ROBO1: variants seen among roughly 807,000 people sequenced by gnomAD.
The protein encoded by ROBO1 is roundabout homolog 1.
A neutral mutation model predicts 195.9 loss-of-function variants in ROBO1; 149 were observed. That is an observed-to-expected ratio of 0.76 (90% CI 0.67 to 0.87). The LOEUF (loss-of-function observed/expected upper bound fraction) is 0.87, where lower values mean the gene tolerates loss of function less well. ROBO1 is among the 40% of genes least tolerant of loss of function. The pLI, the probability that ROBO1 is intolerant of heterozygous loss-of-function variation, is 0.00. For missense variants in ROBO1, 1,933 were observed against 2,068.3 expected (o/e 0.93, Z 1.27); for synonymous variants, 816 against 733.2 (o/e 1.11, Z -1.82).
At chr3:79,241,948 C>CT (rs11383398) in intron 2 of ROBO1, among the ~76,000 whole-genome samples, 135,331 of 145,770 alleles carry the variant, frequency 0.93, 62,902 homozygotes, top group East Asian at 1. Flanking sequence ...TTAATTTAAG[C>CT]TTTTTTTTTT....
intron 1 of ROBO1, among the ~76,000 whole-genome samples, chr3:79,655,750 G>C (rs566916126): frequency 6.6e-6 from 1 of 152,044 alleles, no homozygotes; most frequent in East Asian, 1.9e-4. Context: ...AAGCAAGGGA[G>C]TATGTCTCAA....
At chr3:79,621,088 C>G (rs910622901) in intron 1 of ROBO1, among the ~76,000 whole-genome samples, 1 of 152,074 alleles carries the variant, frequency 6.6e-6, no homozygotes, top group East Asian at 1.9e-4. Flanking sequence ...TCCTGTACAC[C>G]CTTCATCCCA....
chr3:79,486,356 G>A (rs1314253151), intron 2 of ROBO1, among the ~76,000 whole-genome samples: 7 of 151,708 alleles, frequency 4.6e-5, no homozygotes, highest in Admixed American at 6.6e-5. Context: ...TATATATACC[G>A]ATTTCTTTGC....
intron 2 of ROBO1, among the ~76,000 whole-genome samples, chr3:79,386,753 T>C (rs528635159): frequency 7.9e-5 from 12 of 152,292 alleles, no homozygotes; most frequent in African/African-American, 2.9e-4. Flanking sequence ...ATGAGAATTA[T>C]GTCACAGAGC....
chr3:78,613,005 G>A (rs529812963), intron 28 of ROBO1, among the ~76,000 whole-genome samples: 3 of 152,126 alleles, frequency 2.0e-5, no homozygotes, highest in African/African-American at 7.2e-5. Flanking sequence ...GGATTAGTTA[G>A]AATTATATTT....
chr3:79,589,085 G>C (rs921321662), intron 2 of ROBO1, among the ~76,000 whole-genome samples: 3 of 151,524 alleles, frequency 2.0e-5, no homozygotes, highest in African/African-American at 7.3e-5. Context: ...GAATAACTTG[G>C]CTAAATTTTG....
At chr3:78,836,007 A>G (rs2032677711) in intron 4 of ROBO1, among the ~76,000 whole-genome samples, 2 of 152,218 alleles carry the variant, frequency 1.3e-5, no homozygotes, top group Admixed American at 1.3e-4. Flanking sequence ...GTGGGATTTT[A>G]GTAAAATCAA....
chr3:79,743,892 C>G (rs566256292), intron 1 of ROBO1, among the ~76,000 whole-genome samples: 2 of 152,294 alleles, frequency 1.3e-5, no homozygotes, highest in East Asian at 3.9e-4. Flanking sequence ...GCCGTCGTCT[C>G]TACGGTAACA....
chr3:78,725,500 A>C (rs907077512), intron 5 of ROBO1, among the ~76,000 whole-genome samples: 5 of 152,124 alleles, frequency 3.3e-5, no homozygotes, highest in African/African-American at 1.2e-4. Context: ...AGGGGTAAAG[A>C]CTTCTCTGAG....
At chr3:79,589,711 A>G in intron 2 of ROBO1, 113 bp downstream of exon 2, 1 of 825,040 alleles carries the variant, frequency 1.2e-6, no homozygotes, top group South Asian at 1.6e-5. Context: ...ACAGACTTAC[A>G]AGTTCCAAAG....
chr3:79,391,520 A>G (rs2036949625), intron 2 of ROBO1, among the ~76,000 whole-genome samples: 1 of 151,946 alleles, frequency 6.6e-6, no homozygotes, highest in Non-Finnish European at 1.5e-5. Context: ...CCAATCAGCA[A>G]CTCCCACAAA....
chr3:79,258,090 A>G (rs1408832846), intron 2 of ROBO1, among the ~76,000 whole-genome samples: 3 of 152,140 alleles, frequency 2.0e-5, no homozygotes, highest in East Asian at 1.9e-4. Context: ...TTTAGCTACA[A>G]TGACTTCAAC....
In ROBO1 at chr3:79,515,223, T is replaced by C. The variant is rs535790197; in HGVS notation, c.88+74601A>G. Among the ~76,000 whole-genome samples the C allele has an allele frequency of 5.3e-5, 8 of 152,332 alleles. No homozygotes were observed. The East Asian group carries it at 1.4e-3, about 26-fold the overall frequency. On this transcript the variant is annotated intron_variant, in intron 2 of 30. Coordinates refer to ENST00000464233, the MANE Select transcript of ROBO1 (RefSeq NM_002941.4). ...CATTATGAAAGCCAGCAGAGCTTCCTGCACTGTTGAACAATGCTCACTGTC... is the reference window on the plus strand; with the variant it reads ...CATTATGAAAGCCAGCAGAGCTTCCCGCACTGTTGAACAATGCTCACTGTC...
rs573500919 is a variant in ROBO1, at chr3:78,669,976, A to G, written c.1548+120T>C. 1.9e-4 allele frequency: 127 copies of G among 676,080 alleles called. No homozygotes were observed. In the African/African-American group the frequency reaches 2.2e-3, roughly 12 times the overall value. The allele number at this position is 676,080 out of a possible 1,614,324, so 41.9% of individuals were successfully genotyped here. A position where few individuals can be genotyped will look rare whatever the true frequency, so the allele number is the denominator to read the frequency against. ...AAAAATAAAACATCAAATTAAAAAT[A>G]TATTACTACTCTTCATTTAACACTT... On this transcript the variant is annotated intron_variant, in intron 11 of 30. Coordinates refer to ENST00000464233, the MANE Select transcript of ROBO1 (RefSeq NM_002941.4).
At chr3:79,031,574 G>A (rs1157156284) in intron 3 of ROBO1, among the ~76,000 whole-genome samples, 1 of 152,170 alleles carries the variant, frequency 6.6e-6, no homozygotes, top group East Asian at 1.9e-4. Flanking sequence ...GTGATGGTGG[G>A]TAAGTTTCTT....
intron 2 of ROBO1, among the ~76,000 whole-genome samples, chr3:79,182,800 C>T (rs2081366272): frequency 6.6e-6 from 1 of 152,064 alleles, no homozygotes; most frequent in Admixed American, 6.5e-5. Flanking sequence ...GATACATAGG[C>T]CGGGTGTAGT....
intron 2 of ROBO1, among the ~76,000 whole-genome samples, chr3:79,506,942 T>C (rs973271738): frequency 1.3e-5 from 2 of 152,118 alleles, no homozygotes; most frequent in African/African-American, 4.8e-5. Flanking sequence ...CATAGGAGGT[T>C]ACTGGAAGGC....
chr3:79,310,204 T>C (rs1361317205), intron 2 of ROBO1, among the ~76,000 whole-genome samples: 7 of 152,190 alleles, frequency 4.6e-5, no homozygotes, highest in Non-Finnish European at 1.0e-4. Flanking sequence ...AACATGTCTG[T>C]CTTAATTAGA....
chr3:79,297,652 T>G (rs2109047947), intron 2 of ROBO1, among the ~76,000 whole-genome samples: 1 of 152,182 alleles, frequency 6.6e-6, no homozygotes, highest in Non-Finnish European at 1.5e-5. Context: ...AAATGAAAAA[T>G]GGATGCTTCG....
Sources: allele counts gnomAD v4.1 joint callset (sites outside exome capture counted in the v4.1 genomes callset), GRCh38; gene constraint gnomAD v4.1.1; transcripts MANE v1.5; gene names NCBI Gene and HGNC (gene_info 2026-07-23, HGNC 2026-07-21).